The following TTC13 variants were observed in gnomAD, a reference collection of about 807,000 sequenced individuals.
TTC13 encodes tetratricopeptide repeat domain 13.
Under a neutral mutation model 120.0 loss-of-function variants are expected in TTC13, and 62 were observed. The observed-to-expected ratio is 0.52, with a 90% CI of 0.42 to 0.64. The LOEUF (loss-of-function observed/expected upper bound fraction) is 0.64. Among genes scored for constraint, TTC13 ranks in the 30% least tolerant of loss-of-function variants. The probability of loss-of-function intolerance (pLI) is 0.00; values close to 1 mark genes in which losing one functional copy is unlikely to be tolerated. For missense variants in TTC13, 824 were observed against 1,050.2 expected (o/e 0.78, Z 2.98); for synonymous variants, 384 against 393.5 (o/e 0.98, Z 0.28).
At chr1:230,972,232 T>C (rs1450844662) in intron 1 of TTC13, among the ~76,000 whole-genome samples, 2 of 152,226 alleles carry the variant, frequency 1.3e-5, no homozygotes, top group African/African-American at 4.8e-5. Context: ...AAACTAGGGT[T>C]AGCATGGAAT....
chr1:230,978,817 C>T lies in TTC13; in HGVS notation c.14G>A (p.Gly5Asp), dbSNP rs1678675071. Reference sequence around the variant, plus strand: ...CCAGAAGCAGCAGCAGCAGCAGCAGCCGGCAGGTGCCATCTTCCCTCAAGG... The same window carrying T: ...CCAGAAGCAGCAGCAGCAGCAGCAGTCGGCAGGTGCCATCTTCCCTCAAGG... MAPA[G>D]CCCCCCFWGG... The change falls in exon 1 of 23, where the codon GGC becomes GAC. Residue 5 changes from glycine (G) to aspartate (D), a missense_variant. Gly to Asp is a moderately conservative substitution (Grantham distance 94). Around this residue, in one of 4 missense-constraint regions of TTC13, gnomAD observed 160 missense variants for 137.2 expected, o/e 1.17. Transcript: ENST00000366661. The surrounding 1 kb of genome is among the most constrained non-coding windows in gnomAD (Gnocchi z 5.6). 6.7e-7 allele frequency: 1 copy of T among 1,482,758 alleles called. No homozygotes were observed. The highest frequency in any genetic ancestry group is 8.9e-7 in the Non-Finnish European group (1 of 1,126,976). The allele number at this position is 1,482,758 out of a possible 1,614,324, so 91.9% of individuals were successfully genotyped here.
chr1:230,956,255 A>G (rs1186220273), intron 3 of TTC13, among the ~76,000 whole-genome samples: 5 of 152,384 alleles, frequency 3.3e-5, no homozygotes, highest in African/African-American at 9.6e-5. Flanking sequence ...AATTCAAGTC[A>G]GTTCCCAAAC....
intron 2 of TTC13, 126 bp downstream of exon 2, chr1:230,961,083 C>T: frequency 1.5e-6 from 1 of 645,452 alleles, no homozygotes; most frequent in Non-Finnish European, 2.7e-6. Flanking sequence ...GACGACCTAT[C>T]TTTATCCTAT....
intron 2 of TTC13, among the ~76,000 whole-genome samples, chr1:230,958,818 T>A (rs533035876): frequency 6.6e-6 from 1 of 152,288 alleles, no homozygotes; most frequent in Admixed American, 6.5e-5. Context: ...ACAGTGAGAC[T>A]TCATCTCTAC....
rs1458588400 is a variant in TTC13 at position 230,928,995 on chromosome 1, T to G, written c.1399A>C (p.Asn467His). 22 of 1,614,180 alleles carry G rather than the reference T, an allele frequency of 1.4e-5. No homozygotes were observed. The highest frequency in any genetic ancestry group is 1.8e-5 in the Non-Finnish European group (21 of 1,180,024). ...PGSFKDHWAK[N>H]LPFLIEDYEE... The stretch of plus-strand genomic sequence containing the variant: ...TAGTCTTCTATGAGGAAAGGCAAAT[T>G]TTTAGCCCAGTGGTCCTTAAAGCTT... Residue 467 changes from asparagine to histidine, a missense_variant, in exon 12 of 23, where the codon AAT becomes CAT. Physicochemically the swap from Asn to His is moderately conservative, Grantham distance 68. Coordinates refer to ENST00000366661, the MANE Select transcript of TTC13 (RefSeq NM_024525.5).
chr1:230,940,204 T>A lies in TTC13; in HGVS notation c.789+236A>T, dbSNP rs1000714276. Among the ~76,000 whole-genome samples, 3 of 152,238 alleles carry A rather than the reference T, an allele frequency of 2.0e-5. No homozygotes were observed. Among genetic ancestry groups the A allele is most frequent in the African/African-American group, 7.2e-5 (3 of 41,466 alleles). On this transcript the variant is annotated intron_variant, in intron 7 of 22. Coordinates refer to ENST00000366661, the MANE Select transcript of TTC13 (RefSeq NM_024525.5). This position sits in a 1 kb window ranked among gnomAD's most constrained non-coding sequence, Gnocchi z 4.1. ...AAATTTATCTTTCTCTCTCTTTTTT[T>A]AAATGCCAGTCCAGAATTAGTTATT...
intron 20 of TTC13, among the ~76,000 whole-genome samples, chr1:230,909,429 G>A (rs924057799): frequency 8.5e-5 from 13 of 152,166 alleles, no homozygotes; most frequent in Non-Finnish European, 1.2e-4. Context: ...TCAGGAGTTC[G>A]AGACCAGCCT....
In TTC13 at chr1:230,906,330, C is replaced by T; in HGVS notation, c.*575G>A. 1 of 152,078 alleles carries T rather than the reference C, an allele frequency of 6.6e-6. No homozygotes were observed. The highest frequency in any genetic ancestry group is 1.9e-4 in the East Asian group (1 of 5,188). 9.4% of individuals were successfully genotyped at this position (152,078 alleles called of 1,614,324 possible). ...AAAAAAACATGGTTCAATAATTCAG[C>T]ATTTGGGACTCTGGCAAGTACTGTC... On this transcript the variant is annotated 3_prime_UTR_variant, in exon 23 of 23. Coordinates refer to ENST00000366661, the MANE Select transcript of TTC13 (RefSeq NM_024525.5).
At chr1:230,963,797 C>G (rs979574204) in intron 1 of TTC13, among the ~76,000 whole-genome samples, 3 of 152,056 alleles carry the variant, frequency 2.0e-5, no homozygotes, top group Admixed American at 6.6e-5. Flanking sequence ...CGAGGAGACT[C>G]CTACTCCCTG....
chr1:230,936,836 G>T (rs920655325), intron 8 of TTC13, among the ~76,000 whole-genome samples: 1 of 152,178 alleles, frequency 6.6e-6, no homozygotes, highest in Non-Finnish European at 1.5e-5. Flanking sequence ...CCTAGACAAA[G>T]TTCATTTATT....
At chr1:230,955,834 GC>G (rs1002067681) in intron 3 of TTC13, among the ~76,000 whole-genome samples, 1 of 152,122 alleles carries the variant, frequency 6.6e-6, no homozygotes, top group African/African-American at 2.4e-5. Flanking sequence ...GAGCCCTTTT[GC>G]CCTACTTTCT....
intron 13 of TTC13, among the ~76,000 whole-genome samples, chr1:230,925,179 G>C (rs991704767): frequency 5.3e-5 from 8 of 152,298 alleles, no homozygotes; most frequent in African/African-American, 1.9e-4. Context: ...AACTCAAGTT[G>C]TCTGCTCCCA....
At position 230,978,760 on chromosome 1, in the gene TTC13, C is replaced by T; in HGVS notation, c.71G>A (p.Arg24Gln). 2.0e-6 allele frequency: 3 copies of T among 1,499,910 alleles called. No homozygotes were observed. Among genetic ancestry groups the T allele is most frequent in the Non-Finnish European group, 2.6e-6 (3 of 1,134,070 alleles). 92.9% of individuals were successfully genotyped at this position (1,499,910 alleles called of 1,614,324 possible). ...CAGCAGCAGCAGCAGCAGGACACGC[C>T]GGGCGGCGCCCGCGGCGGCCACAGC... ...GGAVAAAGAA[R>Q]RVLLLLLLGV... The change falls in exon 1 of 23, where the codon CGG (arginine) becomes CAG (glutamine). Residue 24 changes from arginine (R) to glutamine (Q), a missense_variant. Around this residue, in one of 4 missense-constraint regions of TTC13, gnomAD observed 160 missense variants for 137.2 expected, o/e 1.17. Coordinates refer to ENST00000366661, the MANE Select transcript of TTC13 (RefSeq NM_024525.5). The surrounding 1 kb of genome is among the most constrained non-coding windows in gnomAD (Gnocchi z 5.6).
chr1:230,923,711 G>C, intron 15 of TTC13, 130 bp downstream of exon 15: 1 of 698,308 alleles, frequency 1.4e-6, no homozygotes, highest in South Asian at 1.9e-5. Context: ...CACAGGTGCA[G>C]AGTCAATCAG....
At chr1:230,924,434 G>A (rs1367413279) in intron 14 of TTC13, among the ~76,000 whole-genome samples, 1 of 152,188 alleles carries the variant, frequency 6.6e-6, no homozygotes, top group African/African-American at 2.4e-5. Flanking sequence ...CTGGGTTCAC[G>A]CCATTCTCCT....
intron 8 of TTC13, among the ~76,000 whole-genome samples, chr1:230,937,613 A>G (rs1342920973): frequency 1.3e-5 from 2 of 152,360 alleles, no homozygotes; most frequent in South Asian, 4.1e-4. Context: ...AGTATCCTCC[A>G]CATACTTCCA....
At chr1:230,959,509 G>C (rs1477709827) in intron 2 of TTC13, among the ~76,000 whole-genome samples, 1 of 152,136 alleles carries the variant, frequency 6.6e-6, no homozygotes, top group Non-Finnish European at 1.5e-5. Context: ...AGCCTCCCAA[G>C]TAGCTGGGAT....
At chr1:230,929,996 T>G (rs556779141) in intron 11 of TTC13, among the ~76,000 whole-genome samples, 10 of 152,372 alleles carry the variant, frequency 6.6e-5, no homozygotes, top group African/African-American at 2.2e-4. Flanking sequence ...TTTTAAACTT[T>G]ATTTAATTTG....
chr1:230,974,418 G>C (rs571339025), intron 1 of TTC13, among the ~76,000 whole-genome samples: 19 of 152,238 alleles, frequency 1.2e-4, no homozygotes, highest in Non-Finnish European at 2.6e-4. Flanking sequence ...CCCATCAGAC[G>C]GTAATACCAC....
Sources: gnomAD v4.1 joint callset for allele counts (sites outside exome capture counted in the v4.1 genomes callset) on GRCh38, gnomAD v4.1.1 for gene constraint, gnomAD v4.1.1 regional missense constraint, Gnocchi (gnomAD v3.1) non-coding constraint, MANE v1.5 for transcripts, NCBI Gene and HGNC (gene_info 2026-07-23, HGNC 2026-07-21) for gene names.